Variants in BRCA1 observed in about 807,000 individuals in gnomAD.
BRCA1 encodes BRCA1 DNA repair associated, also known as breast cancer type 1 susceptibility protein.
A neutral mutation model predicts 173.7 loss-of-function variants in BRCA1; 140 were observed. The ratio of observed to expected loss-of-function variants is 0.81; its 90% CI spans 0.70 to 0.93. The LOEUF is 0.93. Ranked by LOEUF, BRCA1 falls within the 40% of genes least tolerant of loss-of-function variation. BRCA1 has a pLI of 0.00. For synonymous variants in BRCA1, 662 were observed against 756.0 expected (o/e 0.88, Z 2.04); for missense variants, 1,983 against 2,172.5 (o/e 0.91, Z 1.73).
intron 1 of BRCA1, among the ~76,000 whole-genome samples, chr17:43,156,630 G>T (rs1326560812): frequency 6.6e-6 from 1 of 152,030 alleles, no homozygotes; most frequent in Non-Finnish European, 1.5e-5. Flanking sequence ...AACTCTGATT[G>T]GTTACTAAAT....
At chr17:43,100,676 ATAATATAT>A (rs1412663233) in intron 6 of BRCA1, among the ~76,000 whole-genome samples, 6 of 27,902 alleles carry the variant, frequency 2.2e-4, no homozygotes, top group East Asian at 1.3e-3. Flanking sequence ...ATATATATAT[ATAATATAT>A]ATATATATAT....
intron 19 of BRCA1, among the ~76,000 whole-genome samples, chr17:43,053,607 T>A (rs895142063): frequency 6.7e-6 from 1 of 149,522 alleles, no homozygotes; most frequent in Admixed American, 6.7e-5. Context: ...GTGGAGCTGG[T>A]AGTGAGCCGA....
In BRCA1 at chr17:43,092,173, C is replaced by T. The variant is rs748894760; in HGVS notation, c.3358G>A (p.Val1120Ile). 14 of 1,613,232 alleles carry T rather than the reference C, an allele frequency of 8.7e-6. No individual in the cohort carries two copies. The highest frequency in any genetic ancestry group is 2.2e-5 in the East Asian group (1 of 44,898). ...KQEYEEVVQT[V>I]NTDFSPYLIS... Reference sequence around the variant, plus strand: ...AGATATGGAGAGAAATCTGTATTAACAGTCTGAACTACTTCTTCATATTCT... The same window carrying T: ...AGATATGGAGAGAAATCTGTATTAATAGTCTGAACTACTTCTTCATATTCT... Residue 1120 changes from valine to isoleucine, a missense_variant, in exon 10 of 23, where the codon GTT becomes ATT. Transcript: ENST00000357654.
At chr17:43,132,110 A>G (rs987454610) in intron 1 of BRCA1, among the ~76,000 whole-genome samples, 2 of 152,136 alleles carry the variant, frequency 1.3e-5, no homozygotes, top group African/African-American at 4.8e-5. Flanking sequence ...TAATCCTCAC[A>G]TCAACTGACA....
At chr17:43,058,447 G>A (rs980171449) in intron 18 of BRCA1, among the ~76,000 whole-genome samples, 1 of 152,070 alleles carries the variant, frequency 6.6e-6, no homozygotes, top group Non-Finnish European at 1.5e-5. Context: ...GCAGAGATTT[G>A]ACCAAAAGCA....
intron 3 of BRCA1, among the ~76,000 whole-genome samples, chr17:43,107,095 C>T (rs1312745693): frequency 7.1e-6 from 1 of 140,416 alleles, no homozygotes; most frequent in African/African-American, 2.8e-5. Context: ...GACGGAGTCT[C>T]GCTCTGTCTC....
In BRCA1 at chr17:43,124,687, CAT is replaced by C. The variant is rs1040883392; in HGVS notation, c.-19-574_-19-573del. On this transcript the variant is annotated intron_variant, in intron 1 of 22. Coordinates refer to ENST00000357654, the MANE Select transcript of BRCA1 (RefSeq NM_007294.4). ...AATCCTGTCTCCTCCCCTTCCCAGACATATTCCTGGCACCTCTTCTTCCACAA... is the reference window on the plus strand; with the variant it reads ...AATCCTGTCTCCTCCCCTTCCCAGACATTCCTGGCACCTCTTCTTCCACAA... 6 of 173,594 alleles carry C rather than the reference CAT, an allele frequency of 3.5e-5. No homozygotes were observed. In the Admixed American group the frequency reaches 3.5e-4, roughly 10 times the overall value. 10.8% of individuals were successfully genotyped at this position (173,594 alleles called of 1,614,324 possible). A position where few individuals can be genotyped will look rare whatever the true frequency, so the allele number is the denominator to read the frequency against.
intron 20 of BRCA1, among the ~76,000 whole-genome samples, chr17:43,050,436 G>A (rs963706749): frequency 5.9e-5 from 9 of 151,482 alleles, no homozygotes; most frequent in African/African-American, 2.2e-4. Context: ...GTGAAACCCC[G>A]TCTCTACTAA....
intron 1 of BRCA1, among the ~76,000 whole-genome samples, chr17:43,154,099 T>C (rs1230219767): frequency 6.6e-6 from 1 of 151,698 alleles, no homozygotes; most frequent in African/African-American, 2.4e-5. Flanking sequence ...GGCAGAAGGA[T>C]CACTTGAACC....
At chr17:43,098,789 C>T (rs1394377175) in intron 7 of BRCA1, among the ~76,000 whole-genome samples, 2 of 151,400 alleles carry the variant, frequency 1.3e-5, no homozygotes, top group African/African-American at 2.4e-5. Flanking sequence ...ATTACAGGCA[C>T]GAGCCATCCT....
At chr17:43,058,240 T>A (rs1481499459) in intron 18 of BRCA1, among the ~76,000 whole-genome samples, 1 of 151,590 alleles carries the variant, frequency 6.6e-6, no homozygotes, top group East Asian at 1.9e-4. Context: ...CAGGCATAGT[T>A]GCATGTGCCT....
rs2053849833 is a variant in BRCA1 at position 43,093,558 on chromosome 17, A to G, written c.1973T>C (p.Met658Thr). The change falls in exon 10 of 23, where the codon ATG (methionine) becomes ACG (threonine). Residue 658 changes from methionine to threonine, a missense_variant. Met to Thr is a moderately conservative substitution (Grantham distance 81). Transcript: ENST00000357654. ...TAGGTTTCTGCTGTGCCTGACTGGCATTTGGTTGTACTTTTTTTTCTTTAT... is the reference window on the plus strand; with the variant it reads ...TAGGTTTCTGCTGTGCCTGACTGGCGTTTGGTTGTACTTTTTTTTCTTTAT... ...EEIKKKKYNQ[M>T]PVRHSRNLQL... is the part of the protein sequence containing the mutation. 3 of 1,613,838 alleles carry G rather than the reference A, an allele frequency of 1.9e-6. No individual in the cohort carries two copies. The highest frequency in any genetic ancestry group is 1.3e-5 in the African/African-American group (1 of 74,890).
chr17:43,093,509 A>C lies in BRCA1; in HGVS notation c.2022T>G (p.Pro674=), dbSNP rs771519405. The change falls in exon 10 of 23, where the codon CCT becomes CCG. Residue 674 remains proline (P), a synonymous_variant. Coordinates refer to ENST00000357654, the MANE Select transcript of BRCA1 (RefSeq NM_007294.4). ...RNLQLMEGKE[P]ATGAKKSNKP... The stretch of plus-strand genomic sequence containing the variant: ...TGTTACTCTTCTTGGCTCCAGTTGC[A>C]GGTTCTTTACCTTCCATGAGTTGTA... 1.9e-6 allele frequency: 3 copies of C among 1,614,002 alleles called. No homozygotes were observed. Among genetic ancestry groups the C allele is most frequent in the Middle Eastern group, 3.3e-4 (2 of 6,062 alleles).
At chr17:43,151,492 CA>C (rs1439304818) in intron 1 of BRCA1, among the ~76,000 whole-genome samples, 1 of 151,978 alleles carries the variant, frequency 6.6e-6, no homozygotes, top group Non-Finnish European at 1.5e-5. Flanking sequence ...TCAAAAAAAA[CA>C]AAAACAAAAA....
At chr17:43,100,685 AT>A (rs1260685008) in intron 6 of BRCA1, among the ~76,000 whole-genome samples, 4 of 10,194 alleles carry the variant, frequency 3.9e-4, no homozygotes, top group African/African-American at 9.0e-4. Flanking sequence ...TATAATATAT[AT>A]ATATATATAT....
intron 22 of BRCA1, among the ~76,000 whole-genome samples, 156 bp downstream of exon 22, chr17:43,047,487 A>G (rs764167847): frequency 7.9e-5 from 12 of 152,158 alleles, no homozygotes; most frequent in Non-Finnish European, 1.8e-4. Flanking sequence ...TATAAAACAA[A>G]TAACAATAAA....
intron 1 of BRCA1, chr17:43,166,441 G>A (rs1283506372): frequency 6.6e-6 from 1 of 152,116 alleles, no homozygotes; most frequent in African/African-American, 2.4e-5. Context: ...GACCTGTCCA[G>A]GCTTCCTTCT....
Position 43,145,295 on chromosome 17 carries a change from C to G in BRCA1, c.-19-21180G>C, listed in dbSNP as rs565845942. 4.5e-4 allele frequency: 280 copies of G among 627,890 alleles called. 3 individuals are homozygous for G. The highest frequency in any genetic ancestry group is 2.1e-4 in the Non-Finnish European group (71 of 333,972). 38.9% of individuals were successfully genotyped at this position (627,890 alleles called of 1,614,324 possible). On this transcript the variant is annotated intron_variant, in intron 1 of 7. Transcript: ENST00000634433. ...ATGTCTTATCAGTGGTCCCTGTCTC[C>G]CTTCTTTACAATTCAGAGGAATTTT...
intron 1 of BRCA1, among the ~76,000 whole-genome samples, chr17:43,152,581 G>A (rs749119119): frequency 1.9e-4 from 29 of 152,008 alleles, no homozygotes; most frequent in Non-Finnish European, 2.9e-4. Context: ...TTGGCTGGGC[G>A]TGGTGGCTCA....
Sources: allele counts gnomAD v4.1 joint callset (sites outside exome capture counted in the v4.1 genomes callset), GRCh38; gene constraint gnomAD v4.1.1; transcripts MANE v1.5; gene names NCBI Gene and HGNC (gene_info 2026-07-23, HGNC 2026-07-21).